The following HYI variants were observed in gnomAD, a reference collection of about 807,000 sequenced individuals.
HYI encodes the protein putative hydroxypyruvate isomerase.
A neutral mutation model predicts 39.7 loss-of-function variants in HYI; 47 were observed. The observed-to-expected ratio is 1.18, with a 90% confidence interval of 0.94 to 1.51. HYI has a LOEUF of 1.51. Ranked by LOEUF, HYI falls within the 40% of genes most tolerant of loss-of-function variation. The probability of loss-of-function intolerance (pLI) is 0.00; values close to 1 mark genes in which losing one functional copy is unlikely to be tolerated. For synonymous variants in HYI, 186 were observed against 158.8 expected (o/e 1.17, Z -1.29); for missense variants, 465 against 370.3 (o/e 1.26, Z -2.10).
chr1:43,452,467 T>C (rs1033604448), intron 2 of HYI, 148 bp from the exon 3 acceptor site: 1 of 722,908 alleles, frequency 1.4e-6, no homozygotes, highest in Non-Finnish European at 2.5e-6. Flanking sequence ...CCCAGCACTT[T>C]CAGAGACACT....
chr1:43,452,611 C>CT (rs953787591), intron 2 of HYI: 3 of 596,486 alleles, frequency 5.0e-6, no homozygotes, highest in Non-Finnish European at 9.0e-6. Context: ...AAATTCTCAC[C>CT]TTTAAAAATT....
chr1:43,450,694 C>A, downstream of HYI: 1 of 748,900 alleles, frequency 1.3e-6, no homozygotes, highest in Non-Finnish European at 2.2e-6. The surrounding 1 kb of genome is among the most constrained non-coding windows in gnomAD (Gnocchi z 4.3). Context: ...CTGACCCATC[C>A]AGGACTCCAG....
chr1:43,452,700 T>C lies in HYI; in HGVS notation c.312-381A>G. ...CTCTCCTCGCATCTACTTAGCCTTT[T>C]CCCATCTGTTTTCTGCCCCCACCAT... On this transcript the variant is annotated intron_variant, in intron 2 of 7. Transcript: ENST00000372430. The C allele has an allele frequency of 4.9e-6, 3 of 614,110 alleles. No individual in the cohort carries two copies. The South Asian group carries it at 5.8e-5, about 12-fold the overall frequency. The allele number at this position is 614,110 out of a possible 1,614,324, so 38.0% of individuals were successfully genotyped here. A position where few individuals can be genotyped will look rare whatever the true frequency, so the allele number is the denominator to read the frequency against.
Position 43,453,583 on chromosome 1 carries a change from C to G in HYI, c.199+12G>C. On this transcript the variant is annotated intron_variant, in intron 1 of 7. Coordinates refer to ENST00000372430, the MANE Select transcript of HYI (RefSeq NM_001190880.3). ...CCCCCAGCCCTCCCAGCCCTCCCGG[C>G]CCGCGACGCACCCGGGGGCGTGTTG... The G allele has an allele frequency of 6.6e-7, 1 of 1,520,152 alleles. No individual in the cohort carries two copies. Among genetic ancestry groups the G allele is most frequent in the South Asian group, 1.3e-5 (1 of 79,862 alleles). The allele number at this position is 1,520,152 out of a possible 1,614,324, so 94.2% of individuals were successfully genotyped here.
In HYI at chr1:43,453,596, C is replaced by A; in HGVS notation, c.198G>T (p.Pro66=). ...CAGCCCTCCCGGCCCGCGACGCACC[C>A]GGGGGCGTGTTGATCAGTACAAGCC... ...GLRLVLINTP[P]GDQEKGEMGL... is the part of the protein sequence containing the mutation. Residue 66 remains proline, a splice_region_variant and synonymous_variant, in exon 1 of 8, where the codon CCG becomes CCT. Transcript: ENST00000372430. 1 of 1,524,452 alleles carries A rather than the reference C, an allele frequency of 6.6e-7. No individual in the cohort carries two copies. The highest frequency in any genetic ancestry group is 1.4e-5 in the African/African-American group (1 of 72,260). 94.4% of individuals were successfully genotyped at this position (1,524,452 alleles called of 1,614,324 possible). A position where few individuals can be genotyped will look rare whatever the true frequency, so the allele number is the denominator to read the frequency against.
At chr1:43,451,745 A>ACCCCGCAGG in intron 5 of HYI, 28 bp from the exon 6 acceptor site, 1 of 1,613,094 alleles carries the variant, frequency 6.2e-7, no homozygotes. Context: ...ACATTCCGAG[A>ACCCCGCAGG]CCCCGCAGGC....
Position 43,453,458 on chromosome 1 carries a change from G to A in HYI, c.239C>T (p.Pro80Leu), listed in dbSNP as rs1415041872. The part of the protein sequence containing the change: ...EKGEMGLGAV[P>L]GRQAAFREGL... ...CTCTCGGAAGGCCGCCTGTCTCCCG[G>A]GGACGGCCCCCAGCCCCATTTCCCC... Residue 80 changes from proline (P) to leucine (L), a missense_variant, in exon 2 of 8, where the codon CCC becomes CTC. Transcript: ENST00000372430. 1 of 1,563,790 alleles carries A rather than the reference G, an allele frequency of 6.4e-7. No homozygotes were observed. Among genetic ancestry groups the A allele is most frequent in the East Asian group, 2.4e-5 (1 of 41,514 alleles).
downstream of HYI, chr1:43,450,638 C>T (rs867157277): frequency 1.2e-4 from 135 of 1,166,076 alleles, no homozygotes; most frequent in Middle Eastern, 1.2e-3. This position sits in a 1 kb window ranked among gnomAD's most constrained non-coding sequence, Gnocchi z 4.3. Context: ...GGGTCTGCTG[C>T]CCCAGCCTGG....
downstream of HYI, chr1:43,450,967 C>G (rs1230317493): frequency 1.3e-6 from 1 of 762,760 alleles, no homozygotes. The surrounding 1 kb of genome is among the most constrained non-coding windows in gnomAD (Gnocchi z 4.3). Context: ...CTTTGAAGCA[C>G]TTGTGGCCAC....
At chr1:43,450,836 T>C (rs1656306619), downstream of HYI, 1 of 704,024 alleles carries the variant, frequency 1.4e-6, no homozygotes, top group Non-Finnish European at 2.6e-6. This position sits in a 1 kb window ranked among gnomAD's most constrained non-coding sequence, Gnocchi z 4.3. Context: ...TCCTGCCCCC[T>C]AGCCTTTGAC....
chr1:43,450,788 C>T (rs1183240701), downstream of HYI: 1 of 709,064 alleles, frequency 1.4e-6, no homozygotes, highest in Non-Finnish European at 2.6e-6. The surrounding 1 kb of genome is among the most constrained non-coding windows in gnomAD (Gnocchi z 4.3). Context: ...GGAGTTCACA[C>T]AGGGTGGCAA....
rs142109071 is a variant in HYI, at chr1:43,451,264, G to A, written c.808C>T (p.Arg270Trp). ...LSWLRSYWDR[R>W]GHPEAGQ ...CACTGGCCAGCCTCTGGGTGGCCCC[G>A]CCTATCCCAGTATGAACGTAGCCAA... Residue 270 changes from arginine (R) to tryptophan (W), a missense_variant, in exon 8 of 8, where the codon CGG (arginine) becomes TGG (tryptophan). By Grantham distance (101) the Arg-to-Trp change is moderately radical (BLOSUM62 -3). Transcript: ENST00000372430. The A allele has an allele frequency of 2.4e-4, 393 of 1,614,038 alleles. No individual in the cohort carries two copies. The highest frequency in any genetic ancestry group is 4.8e-4 in the African/African-American group (36 of 75,034).
Position 43,453,904 on chromosome 1 carries a change from A to C in HYI, c.-111T>G. The stretch of plus-strand genomic sequence containing the variant: ...TCCTTGCTGGCCCTGCGAACGAACG[A>C]GCACTGTTCGTGGTTAGAAAAGCGA... On this transcript the variant is annotated 5_prime_UTR_variant, in exon 1 of 8. Transcript: ENST00000372430. The C allele has an allele frequency of 2.5e-6, 3 of 1,215,394 alleles. No individual in the cohort carries two copies. The highest frequency in any genetic ancestry group is 3.1e-6 in the Non-Finnish European group (3 of 978,274). The allele number at this position is 1,215,394 out of a possible 1,614,324, so 75.3% of individuals were successfully genotyped here.
chr1:43,450,959 T>C, downstream of HYI: 1 of 761,018 alleles, frequency 1.3e-6, no homozygotes, highest in Non-Finnish European at 2.4e-6. This position sits in a 1 kb window ranked among gnomAD's most constrained non-coding sequence, Gnocchi z 4.3. Flanking sequence ...AGCTCTGCCT[T>C]TGAAGCACTT....
At chr1:43,452,873 C>G (rs1478079081) in intron 2 of HYI, 2 of 1,574,472 alleles carry the variant, frequency 1.3e-6, no homozygotes, top group African/African-American at 1.4e-5. Flanking sequence ...GCAGACATTC[C>G]AGGCCTCCCC....
chr1:43,453,797 T>G lies in HYI; in HGVS notation c.-4A>C. ...CGGAGAAGCGCAGCGGCGCCATGCC[T>G]GGGGAGGCCGGGCCGGGCGGAGTCC... On this transcript the variant is annotated 5_prime_UTR_variant, in exon 1 of 8. Transcript: ENST00000372430. 2 of 1,260,076 alleles carry G rather than the reference T, an allele frequency of 1.6e-6. No homozygotes were observed. The highest frequency in any genetic ancestry group is 2.0e-6 in the Non-Finnish European group (2 of 1,005,560). The allele number at this position is 1,260,076 out of a possible 1,614,324, so 78.1% of individuals were successfully genotyped here.
intron 1 of HYI, 38 bp downstream of exon 1, chr1:43,453,557 C>A (rs1250700031): frequency 3.3e-6 from 5 of 1,512,300 alleles, no homozygotes; most frequent in East Asian, 5.0e-5. Context: ...CGCCCCGGCA[C>A]CCCCCAGCCC....
intron 2 of HYI, chr1:43,453,164 C>A: frequency 1.5e-6 from 1 of 659,082 alleles, no homozygotes; most frequent in Non-Finnish European, 2.7e-6. Context: ...ACTGAGCTCC[C>A]AGCATGGGAT....
chr1:43,452,842 C>A, intron 2 of HYI: 3 of 1,531,172 alleles, frequency 2.0e-6, no homozygotes, highest in East Asian at 2.4e-5. Context: ...ATCCCCTGAT[C>A]TTAGCCACAT....
Sources: gnomAD v4.1 joint callset for allele counts on GRCh38, gnomAD v4.1.1 for gene constraint, Gnocchi (gnomAD v3.1) non-coding constraint, MANE v1.5 for transcripts, NCBI Gene and HGNC (gene_info 2026-07-23, HGNC 2026-07-21) for gene names.